Variants in TAFA1 observed in about 807,000 individuals in gnomAD.
The protein encoded by TAFA1 is chemokine-like protein TAFA-1.
Under a neutral mutation model 18.5 loss-of-function variants are expected in TAFA1, and 4 were observed. The ratio of observed to expected loss-of-function variants is 0.22; its 90% CI spans 0.11 to 0.49. The LOEUF (loss-of-function observed/expected upper bound fraction) is 0.49. Ranked by LOEUF, TAFA1 falls within the 20% of genes least tolerant of loss-of-function variation. The probability of loss-of-function intolerance (pLI) is 0.98; values close to 1 mark genes in which losing one functional copy is unlikely to be tolerated. For missense variants in TAFA1, 147 were observed against 169.0 expected (o/e 0.87, Z 0.72); for synonymous variants, 56 against 55.2 (o/e 1.01, Z -0.06).
At chr3:68,303,169 C>T (rs903754494) in intron 2 of TAFA1, among the ~76,000 whole-genome samples, 2 of 152,096 alleles carry the variant, frequency 1.3e-5, no homozygotes, top group Non-Finnish European at 2.9e-5. Context: ...GTATAAAAAG[C>T]TACACAGATA....
chr3:68,418,799 AT>A (rs1158517777), intron 3 of TAFA1, among the ~76,000 whole-genome samples: 2 of 152,164 alleles, frequency 1.3e-5, no homozygotes, highest in African/African-American at 4.8e-5. Context: ...AACACTTCTC[AT>A]GCATTATTTT....
intron 2 of TAFA1, among the ~76,000 whole-genome samples, chr3:68,143,351 A>T (rs1026996447): frequency 2.0e-4 from 30 of 152,150 alleles, no homozygotes; most frequent in African/African-American, 7.0e-4. Context: ...AAGAATTATG[A>T]TTCTGAATCA....
chr3:68,087,183 A>T (rs2064980034), intron 2 of TAFA1, among the ~76,000 whole-genome samples: 1 of 152,210 alleles, frequency 6.6e-6, no homozygotes, highest in African/African-American at 2.4e-5. Context: ...AAATCTATAA[A>T]GCTCTCATAC....
upstream of TAFA1, among the ~76,000 whole-genome samples, chr3:68,003,934 A>G (rs1704315497): frequency 6.6e-6 from 1 of 152,208 alleles, no homozygotes; most frequent in Non-Finnish European, 1.5e-5. Context: ...ATTTACTGGT[A>G]AAAAGAACAT....
intron 3 of TAFA1, among the ~76,000 whole-genome samples, chr3:68,441,768 A>G (rs9832666): frequency 0.41 from 61,776 of 151,978 alleles, 13,067 homozygotes; most frequent in Middle Eastern, 0.43. Flanking sequence ...ATCAGTTGAC[A>G]GAGGAAGAGA....
chr3:68,067,990 C>T (rs2064703859), intron 2 of TAFA1, among the ~76,000 whole-genome samples: 1 of 152,126 alleles, frequency 6.6e-6, no homozygotes, highest in Non-Finnish European at 1.5e-5. Flanking sequence ...AAGTTACTGT[C>T]GGCCTCCATA....
chr3:68,440,414 A>G (rs529362156), intron 3 of TAFA1, among the ~76,000 whole-genome samples: 11 of 152,328 alleles, frequency 7.2e-5, no homozygotes, highest in Non-Finnish European at 1.6e-4. Flanking sequence ...CACATGATAA[A>G]GGAAAAAGGA....
intron 3 of TAFA1, among the ~76,000 whole-genome samples, chr3:68,500,961 G>A (rs543550439): frequency 2.2e-4 from 33 of 151,864 alleles, no homozygotes; most frequent in African/African-American, 7.7e-4. Context: ...AGACCAACCT[G>A]GCCAACATGT....
intron 2 of TAFA1, among the ~76,000 whole-genome samples, chr3:68,403,735 T>G (rs1435519850): frequency 6.6e-6 from 1 of 152,216 alleles, no homozygotes; most frequent in Admixed American, 6.5e-5. Context: ...ATGTTTATTA[T>G]CTGGATGTTT....
chr3:68,166,723 G>A (rs1443604010), intron 2 of TAFA1, among the ~76,000 whole-genome samples: 3 of 152,082 alleles, frequency 2.0e-5, no homozygotes, highest in Admixed American at 6.5e-5. Context: ...GAACATTTTC[G>A]TACAGAGGTG....
At chr3:68,512,581 A>G (rs1173645329) in intron 3 of TAFA1, among the ~76,000 whole-genome samples, 1 of 152,126 alleles carries the variant, frequency 6.6e-6, no homozygotes, top group Non-Finnish European at 1.5e-5. Context: ...AGAGCATGTT[A>G]TCTTACTTAA....
chr3:68,326,597 A>G (rs530743650), intron 2 of TAFA1, among the ~76,000 whole-genome samples: 1 of 152,212 alleles, frequency 6.6e-6, no homozygotes, highest in African/African-American at 2.4e-5. Context: ...ATCAGAATCT[A>G]TGTGGCCATT....
rs63748968 is a variant in TAFA1 at position 68,246,589 on chromosome 3, C to CAAAAAAAAAAAAAAA, written c.119-170669_119-170655dup. Among the ~76,000 whole-genome samples the CAAAAAAAAAAAAAAA allele has an allele frequency of 2.0e-3, 111 of 55,338 alleles. 15 individuals carry two copies. The highest frequency in any genetic ancestry group is 4.2e-3 in the African/African-American group (58 of 13,770). The allele number at this position is 55,338 out of a possible 152,430, so 36.3% of individuals were successfully genotyped here. ...TGGGCGACAGAGCGGGACTCCGTCT[C>CAAAAAAAAAAAAAAA]AAAAAAAAAAAAAAAAAAAAAAAAA... On this transcript the variant is annotated intron_variant, in intron 2 of 4. Coordinates refer to ENST00000478136, the MANE Select transcript of TAFA1 (RefSeq NM_213609.4).
chr3:68,503,360 TA>T (rs1221138891), intron 3 of TAFA1, among the ~76,000 whole-genome samples: 1 of 152,106 alleles, frequency 6.6e-6, no homozygotes, highest in Non-Finnish European at 1.5e-5. Flanking sequence ...GCATTTCAAA[TA>T]AGGGATACTT....
At chr3:68,319,498 C>T (rs767214701) in intron 2 of TAFA1, among the ~76,000 whole-genome samples, 2 of 152,152 alleles carry the variant, frequency 1.3e-5, no homozygotes, top group Non-Finnish European at 2.9e-5. Context: ...TCATCCCCAG[C>T]GAATAATTAT....
intron 2 of TAFA1, among the ~76,000 whole-genome samples, chr3:68,221,468 T>A (rs766528286): frequency 5.5e-4 from 84 of 152,256 alleles, no homozygotes; most frequent in Non-Finnish European, 1.0e-3. Flanking sequence ...GCAAATAGGG[T>A]GGCTTGTAAG....
chr3:68,488,288 G>A (rs1575915392), intron 3 of TAFA1, among the ~76,000 whole-genome samples: 1 of 152,142 alleles, frequency 6.6e-6, no homozygotes, highest in East Asian at 1.9e-4. Flanking sequence ...GAAAGACGTA[G>A]GCCAGAAAAT....
rs1026064519 is a variant in TAFA1 at position 68,387,059 on chromosome 3, AT to A, written c.119-30210del. ...ATCCATACACTCTGTGCCTAATTTT[AT>A]TTTTTTTTTTGGTGTCTGCATGCAG... On this transcript the variant is annotated intron_variant, in intron 2 of 4. Transcript: ENST00000478136. Among the ~76,000 whole-genome samples, 228 of 146,592 alleles carry A rather than the reference AT, an allele frequency of 1.6e-3. 2 individuals carry two copies. The highest frequency in any genetic ancestry group is 2.3e-3 in the Non-Finnish European group (151 of 66,102).
chr3:68,373,329 A>T (rs1385704442), intron 2 of TAFA1, among the ~76,000 whole-genome samples: 1 of 152,208 alleles, frequency 6.6e-6, no homozygotes, highest in Non-Finnish European at 1.5e-5. Flanking sequence ...TACAGAGGAA[A>T]AAACTGAGGT....
Sources: gnomAD v4.1 joint callset for allele counts (sites outside exome capture counted in the v4.1 genomes callset) on GRCh38, gnomAD v4.1.1 for gene constraint, MANE v1.5 for transcripts, NCBI Gene and HGNC (gene_info 2026-07-23, HGNC 2026-07-21) for gene names.